SSBP2: variants seen among roughly 807,000 people sequenced by gnomAD.
SSBP2 encodes single stranded DNA binding protein 2.
A neutral mutation model predicts 61.8 loss-of-function variants in SSBP2; 17 were observed. The observed-to-expected ratio is 0.28, with a 90% CI of 0.19 to 0.41. The LOEUF is 0.41. SSBP2 is among the 10% of genes least tolerant of loss of function. SSBP2 has a pLI of 1.00. For synonymous variants in SSBP2, 139 were observed against 141.3 expected (o/e 0.98, Z 0.12); for missense variants, 310 against 458.7 (o/e 0.68, Z 2.96).
intron 4 of SSBP2, among the ~76,000 whole-genome samples, chr5:81,589,098 A>G (rs1029453742): frequency 2.6e-5 from 4 of 152,162 alleles, no homozygotes; most frequent in Admixed American, 2.6e-4. Context: ...CCAATTAATG[A>G]CAAGCTGCCT....
chr5:81,449,810 C>A (rs1763649644), intron 10 of SSBP2, among the ~76,000 whole-genome samples: 1 of 152,180 alleles, frequency 6.6e-6, no homozygotes. Context: ...GCCTTACGCA[C>A]ACAACACATG....
intron 5 of SSBP2, among the ~76,000 whole-genome samples, chr5:81,499,149 T>G (rs1767508911): frequency 6.6e-6 from 1 of 152,210 alleles, no homozygotes; most frequent in Non-Finnish European, 1.5e-5. Flanking sequence ...GCTGGCATAT[T>G]CTGCTGATAA....
chr5:81,633,333 C>G (rs1387970386), intron 3 of SSBP2, among the ~76,000 whole-genome samples: 1 of 151,932 alleles, frequency 6.6e-6, no homozygotes, highest in Non-Finnish European at 1.5e-5. Flanking sequence ...CCAGGCTGGT[C>G]TCGAACTCCT....
intron 1 of SSBP2, among the ~76,000 whole-genome samples, chr5:81,713,347 A>G (rs1490419834): frequency 3.3e-5 from 5 of 151,900 alleles, no homozygotes; most frequent in African/African-American, 7.3e-5. Context: ...CCCCAACCCC[A>G]GCAAAAGACT....
chr5:81,690,619 G>T (rs1483908339), intron 1 of SSBP2, among the ~76,000 whole-genome samples: 1 of 152,020 alleles, frequency 6.6e-6, no homozygotes. Context: ...AACCCCAATA[G>T]AATAATAGCT....
At chr5:81,497,882 G>C (rs527501037) in intron 5 of SSBP2, among the ~76,000 whole-genome samples, 1 of 152,150 alleles carries the variant, frequency 6.6e-6, no homozygotes, top group Non-Finnish European at 1.5e-5. Context: ...AGGATATCAG[G>C]TTAATTTATA....
At chr5:81,427,886 A>T (rs929142081) in intron 16 of SSBP2, among the ~76,000 whole-genome samples, 4 of 152,216 alleles carry the variant, frequency 2.6e-5, no homozygotes, top group Admixed American at 6.5e-5. Flanking sequence ...TATTTTAAAA[A>T]ATTCCATTGG....
At chr5:81,542,350 T>C (rs557009318) in intron 4 of SSBP2, among the ~76,000 whole-genome samples, 183 of 152,246 alleles carry the variant, frequency 1.2e-3, no homozygotes, top group African/African-American at 4.3e-3. Flanking sequence ...GGAAAGCAGT[T>C]TGGAGATTTC....
chr5:81,449,871 C>A (rs1763654067), intron 10 of SSBP2, among the ~76,000 whole-genome samples: 1 of 152,168 alleles, frequency 6.6e-6, no homozygotes, highest in African/African-American at 2.4e-5. Context: ...CTGCAGATGG[C>A]CACTGCTAGA....
intron 2 of SSBP2, among the ~76,000 whole-genome samples, chr5:81,645,562 A>T (rs976425345): frequency 1.3e-5 from 2 of 152,252 alleles, no homozygotes; most frequent in South Asian, 2.1e-4. Flanking sequence ...CATGAATACC[A>T]TGCAAAACTT....
At chr5:81,547,604 C>A (rs1004766462) in intron 4 of SSBP2, among the ~76,000 whole-genome samples, 2 of 152,084 alleles carry the variant, frequency 1.3e-5, no homozygotes, top group Non-Finnish European at 2.9e-5. Context: ...GTAGCTAGGA[C>A]TATAAGCACA....
chr5:81,664,376 C>T (rs1229425050), intron 1 of SSBP2, among the ~76,000 whole-genome samples: 2 of 152,158 alleles, frequency 1.3e-5, no homozygotes, highest in East Asian at 1.9e-4. Context: ...GTGATCCGCC[C>T]GCCTTGGCCT....
At position 81,650,286 on chromosome 5, in the gene SSBP2, G is replaced by T; in HGVS notation, c.116C>A (p.Ala39Asp). 1 of 1,588,704 alleles carries T rather than the reference G, an allele frequency of 6.3e-7. No individual in the cohort carries two copies. The highest frequency in any genetic ancestry group is 8.6e-7 in the Non-Finnish European group (1 of 1,167,560). ...ACATACCTCTGATAAAAATGTTTGA[G>T]CTGATTTCTGAGCTCCTACATGGAG... The change falls in exon 2 of 17, where the codon GCT becomes GAT. Residue 39 changes from alanine to aspartate, a missense_variant. Ala to Asp is a moderately radical substitution (Grantham distance 126). This residue lies in a region of SSBP2 where 21 missense variants were observed against 59.1 expected (regional missense o/e 0.36). Transcript: ENST00000320672.
At chr5:81,462,751 T>C (rs1032982498) in intron 9 of SSBP2, among the ~76,000 whole-genome samples, 3 of 152,176 alleles carry the variant, frequency 2.0e-5, no homozygotes, top group Non-Finnish European at 4.4e-5. Flanking sequence ...ATCCACATGA[T>C]TTGTTTGATG....
At chr5:81,750,894 GTGTC>G in intron 1 of SSBP2, 83 bp downstream of exon 1, 3 of 1,433,260 alleles carry the variant, frequency 2.1e-6, no homozygotes, top group South Asian at 2.5e-5. Flanking sequence ...CGGGCGGAGA[GTGTC>G]TGTGTCTCCC....
At chr5:81,422,527 T>C (rs949806875) in intron 16 of SSBP2, among the ~76,000 whole-genome samples, 4 of 152,194 alleles carry the variant, frequency 2.6e-5, no homozygotes, top group African/African-American at 7.2e-5. Flanking sequence ...AAGGAAAATC[T>C]ATTAATACTT....
At chr5:81,685,749 T>TA (rs1752722865) in intron 1 of SSBP2, among the ~76,000 whole-genome samples, 1 of 152,176 alleles carries the variant, frequency 6.6e-6, no homozygotes, top group Non-Finnish European at 1.5e-5. Context: ...GGGTTCTAGA[T>TA]ACCTAAGCAA....
intron 4 of SSBP2, among the ~76,000 whole-genome samples, chr5:81,587,118 T>C (rs1476932519): frequency 1.3e-5 from 2 of 152,314 alleles, no homozygotes; most frequent in East Asian, 3.9e-4. Context: ...AGTTTCACTA[T>C]AATAAATCAC....
chr5:81,691,066 A>G (rs1457189087), intron 1 of SSBP2, among the ~76,000 whole-genome samples: 1 of 152,116 alleles, frequency 6.6e-6, no homozygotes, highest in Non-Finnish European at 1.5e-5. Flanking sequence ...GGATACAGCG[A>G]AAGCCATTCT....
Sources: allele counts gnomAD v4.1 joint callset (sites outside exome capture counted in the v4.1 genomes callset), GRCh38; gene constraint gnomAD v4.1.1; regional missense constraint gnomAD v4.1.1; transcripts MANE v1.5; gene names NCBI Gene and HGNC (gene_info 2026-07-23, HGNC 2026-07-21).